The following CBLB variants were observed in gnomAD, a reference collection of about 807,000 sequenced individuals.
CBLB encodes E3 ubiquitin-protein ligase CBL-B.
CBLB carries 31 observed loss-of-function variants against 104.9 expected under a neutral mutation model. The ratio of observed to expected loss-of-function variants is 0.30; its 90% confidence interval spans 0.22 to 0.40. CBLB has a LOEUF of 0.40. Ranked by LOEUF, CBLB falls within the 10% of genes least tolerant of loss-of-function variation. The pLI is 1.00. For missense variants in CBLB, 1,062 were observed against 1,214.6 expected (o/e 0.87, Z 1.87); for synonymous variants, 440 against 422.6 (o/e 1.04, Z -0.51).
chr3:105,670,103 A>G, intron 18 of CBLB, 130 bp downstream of exon 18: 3 of 818,130 alleles, frequency 3.7e-6, no homozygotes, highest in Non-Finnish European at 3.9e-6. Flanking sequence ...GCAAAATGCA[A>G]TGATGATCAA....
intron 1 of CBLB, 51 bp downstream of exon 1, chr3:105,868,685 C>G: frequency 1.0e-6 from 1 of 998,224 alleles, no homozygotes; most frequent in Non-Finnish European, 1.2e-6. Flanking sequence ...CCCCGGGCCC[C>G]CGGGCCGGCA....
At chr3:105,704,607 T>C (rs2069785002) in intron 10 of CBLB, among the ~76,000 whole-genome samples, 1 of 152,210 alleles carries the variant, frequency 6.6e-6, no homozygotes, top group African/African-American at 2.4e-5. Context: ...ACATGTATCT[T>C]GTATGTAGTC....
Position 105,751,570 on chromosome 3 carries a change from G to A in CBLB, c.615C>T (p.His205=), listed in dbSNP as rs780679338. 4 of 1,612,596 alleles carry A rather than the reference G, an allele frequency of 2.5e-6. No homozygotes were observed. The African/African-American group carries it at 5.3e-5, about 22-fold the overall frequency. ...KVFRQCLHEV[H]QISSGLEAMA... ...TTGCTTCCAGGCCAGAGCTAATCTG[G>A]TGGACCTCATGAAGGCACTGTCTGA... The change falls in exon 5 of 19, where the codon CAC becomes CAT. Residue 205 remains histidine (H), a synonymous_variant. Coordinates refer to ENST00000394030, the MANE Select transcript of CBLB (RefSeq NM_170662.5).
chr3:105,863,613 G>C (rs1294229958), intron 2 of CBLB, among the ~76,000 whole-genome samples: 1 of 152,006 alleles, frequency 6.6e-6, no homozygotes. Flanking sequence ...TATAATCCAA[G>C]CATCCTTGAT....
chr3:105,763,766 T>G (rs2077923805), intron 4 of CBLB, among the ~76,000 whole-genome samples: 1 of 152,230 alleles, frequency 6.6e-6, no homozygotes, highest in Admixed American at 6.5e-5. Context: ...GATTCTACTC[T>G]TCTTGCAAGC....
chr3:105,660,799 C>T (rs2063718184), intron 18 of CBLB, among the ~76,000 whole-genome samples: 1 of 151,958 alleles, frequency 6.6e-6, no homozygotes, highest in African/African-American at 2.4e-5. Context: ...ATGTATTATT[C>T]AATATTTTTC....
At chr3:105,761,171 T>C (rs1327771191) in intron 4 of CBLB, among the ~76,000 whole-genome samples, 1 of 152,122 alleles carries the variant, frequency 6.6e-6, no homozygotes, top group Non-Finnish European at 1.5e-5. Flanking sequence ...GTAGCTGGGA[T>C]TAAAGTGTGC....
intron 5 of CBLB, among the ~76,000 whole-genome samples, chr3:105,750,529 A>G (rs945652635): frequency 6.6e-6 from 1 of 152,232 alleles, no homozygotes. Flanking sequence ...CATTTACTAT[A>G]TAATTTATGT....
At chr3:105,829,563 T>TG (rs1407817372) in intron 3 of CBLB, among the ~76,000 whole-genome samples, 5 of 149,738 alleles carry the variant, frequency 3.3e-5, no homozygotes, top group African/African-American at 1.2e-4. Context: ...GGAGCCTACT[T>TG]GGAGACTGAG....
intron 3 of CBLB, among the ~76,000 whole-genome samples, chr3:105,843,646 T>C (rs2089857697): frequency 6.6e-6 from 1 of 152,106 alleles, no homozygotes; most frequent in Non-Finnish European, 1.5e-5. Context: ...AATACAAAAA[T>C]GTATTATTGG....
intron 3 of CBLB, among the ~76,000 whole-genome samples, chr3:105,831,353 T>C (rs970603236): frequency 6.6e-6 from 1 of 152,202 alleles, no homozygotes; most frequent in African/African-American, 2.4e-5. Context: ...TCAAATACAT[T>C]TCCCCATTGA....
At position 105,751,512 on chromosome 3, in the gene CBLB, T is replaced by G. The variant is rs752951592; in HGVS notation, c.673A>C (p.Asn225His). 1.9e-6 allele frequency: 3 copies of G among 1,611,836 alleles called. No individual in the cohort carries two copies. Among genetic ancestry groups the G allele is most frequent in the Non-Finnish European group, 2.5e-6 (3 of 1,178,068 alleles). The change falls in exon 5 of 19, where the codon AAT becomes CAT. Residue 225 changes from asparagine to histidine, a missense_variant. By Grantham distance (68) the Asn-to-His change is moderately conservative (BLOSUM62 1). This residue lies in a region of CBLB where 457 missense variants were observed against 632.0 expected (regional missense o/e 0.72). Coordinates refer to ENST00000394030, the MANE Select transcript of CBLB (RefSeq NM_170662.5). ...ALKSTIDLTCNDYISVFEFDI... is the reference protein window; with the variant it reads ...ALKSTIDLTCHDYISVFEFDI... ...AATTCAAAAACTGAAATGTAATCAT[T>G]GCAAGTTAAATCAATTGTTGATTTT...
intron 18 of CBLB, among the ~76,000 whole-genome samples, chr3:105,669,255 T>C (rs933347258): frequency 6.6e-6 from 1 of 152,162 alleles, no homozygotes; most frequent in African/African-American, 2.4e-5. Context: ...GAGGGGAGGC[T>C]TTTGGGAGAT....
chr3:105,771,003 G>C (rs891824437), intron 4 of CBLB, among the ~76,000 whole-genome samples: 38 of 152,166 alleles, frequency 2.5e-4, no homozygotes, highest in Non-Finnish European at 1.0e-4. Flanking sequence ...TACTGAAACT[G>C]TTCTAAAAGA....
chr3:105,848,469 T>C (rs1309418764), intron 3 of CBLB, among the ~76,000 whole-genome samples: 1 of 152,132 alleles, frequency 6.6e-6, no homozygotes, highest in Non-Finnish European at 1.5e-5. Context: ...ATTACATTTA[T>C]GTAAAATTGC....
At chr3:105,767,562 C>CTTTTT (rs34794014) in intron 4 of CBLB, among the ~76,000 whole-genome samples, 5 of 141,160 alleles carry the variant, frequency 3.5e-5, no homozygotes, top group African/African-American at 1.3e-4. Flanking sequence ...CTTTTTCTTT[C>CTTTTT]TTTTTTTTTT....
chr3:105,733,644 A>G (rs2074581181), intron 9 of CBLB, among the ~76,000 whole-genome samples: 1 of 152,150 alleles, frequency 6.6e-6, no homozygotes, highest in South Asian at 2.1e-4. Flanking sequence ...AAATATCAAA[A>G]TAAGATTTAT....
In CBLB at chr3:105,685,961, C is replaced by T. The variant is rs572876635; in HGVS notation, c.2055-495G>A. ...AAATATCCAGTTTAATTCTGTAAAACTTAACTATCCTGTGAAATTATAGTT... is the reference window on the plus strand; with the variant it reads ...AAATATCCAGTTTAATTCTGTAAAATTTAACTATCCTGTGAAATTATAGTT... On this transcript the variant is annotated intron_variant, in intron 13 of 18. Coordinates refer to ENST00000394030, the MANE Select transcript of CBLB (RefSeq NM_170662.5). Among the ~76,000 whole-genome samples, 22 of 152,244 alleles carry T rather than the reference C, an allele frequency of 1.4e-4. No homozygotes were observed. In the South Asian group the frequency reaches 4.1e-3, roughly 29 times the overall value.
chr3:105,819,207 C>G (rs903219938), intron 3 of CBLB, among the ~76,000 whole-genome samples: 3 of 152,164 alleles, frequency 2.0e-5, no homozygotes, highest in Non-Finnish European at 2.9e-5. Flanking sequence ...CATAATGAGG[C>G]CGGGTGCAGT....
Sources: allele counts gnomAD v4.1 joint callset (sites outside exome capture counted in the v4.1 genomes callset), GRCh38; gene constraint gnomAD v4.1.1; regional missense constraint gnomAD v4.1.1; transcripts MANE v1.5; gene names NCBI Gene and HGNC (gene_info 2026-07-23, HGNC 2026-07-21).